The following CNGB1 variants were observed in gnomAD, a reference collection of about 807,000 sequenced individuals.
CNGB1 encodes the protein cyclic nucleotide gated channel subunit beta 1.
A neutral mutation model predicts 151.7 loss-of-function variants in CNGB1; 126 were observed. That is an observed-to-expected ratio of 0.83 (90% CI 0.72 to 0.96). The LOEUF is 0.96. Ranked by LOEUF, CNGB1 falls within the 40% of genes least tolerant of loss-of-function variation. The pLI, the probability that CNGB1 is intolerant of heterozygous loss-of-function variation, is 0.00. For synonymous variants in CNGB1, 623 were observed against 635.1 expected, an observed-to-expected ratio of 0.98 and a Z score of 0.29; for missense variants, 1,698 against 1,627.0, an observed-to-expected ratio of 1.04 and a Z score of -0.75.
intron 15 of CNGB1, 151 bp from the exon 16 acceptor site, chr16:57,939,743 C>G (rs1054442709): frequency 3.0e-5 from 31 of 1,045,356 alleles, no homozygotes; most frequent in Admixed American, 1.0e-4. Flanking sequence ...AGCCCACCTT[C>G]TGGGCATCCT....
chr16:57,911,547 C>T (rs1200051416), intron 25 of CNGB1, among the ~76,000 whole-genome samples: 1 of 152,214 alleles, frequency 6.6e-6, no homozygotes, highest in African/African-American at 2.4e-5. Flanking sequence ...CCTTGGCCTC[C>T]CAAAGTGCTG....
intron 25 of CNGB1, among the ~76,000 whole-genome samples, chr16:57,908,030 G>A (rs535162944): frequency 6.6e-6 from 1 of 152,250 alleles, no homozygotes; most frequent in Non-Finnish European, 1.5e-5. Flanking sequence ...CTGGAATTAC[G>A]AGCGTGTACC....
intron 31 of CNGB1, among the ~76,000 whole-genome samples, chr16:57,896,013 T>C (rs1251903048): frequency 6.6e-6 from 1 of 152,206 alleles, no homozygotes; most frequent in Non-Finnish European, 1.5e-5. Flanking sequence ...TCCACACAGC[T>C]GACTGCCAGC....
chr16:57,917,274 G>A lies in CNGB1; in HGVS notation c.2160C>T (p.Asp720=), dbSNP rs1370540791. 4 of 1,612,700 alleles carry A rather than the reference G, an allele frequency of 2.5e-6. No individual in the cohort carries two copies. Among genetic ancestry groups the A allele is most frequent in the Middle Eastern group, 1.7e-4 (1 of 6,020 alleles). ...QTRLQFVRGG[D]IITDKKDMRN... ...CCACCTGCCTGTGACTCACAATGAT[G>A]TCCCCGCCTCTGACAAACTGCAGGC... Residue 720 remains aspartate, a synonymous_variant, in exon 21 of 33, where the codon GAC becomes GAT. Coordinates refer to ENST00000251102, the MANE Select transcript of CNGB1 (RefSeq NM_001297.5).
intron 25 of CNGB1, among the ~76,000 whole-genome samples, chr16:57,905,637 G>A (rs1289562333): frequency 6.6e-6 from 1 of 152,274 alleles, no homozygotes; most frequent in Non-Finnish European, 1.5e-5. Context: ...TCAGGAGCTA[G>A]GGCCTTCGGG....
intron 26 of CNGB1, 136 bp downstream of exon 26, chr16:57,904,598 G>T (rs1013172285): frequency 4.8e-5 from 59 of 1,230,932 alleles, no homozygotes; most frequent in Non-Finnish European, 6.8e-5. Context: ...AGTGCTCCAG[G>T]CTCCTGACTC....
rs776983213 is a variant in CNGB1 at position 57,888,006 on chromosome 16, C to A, written c.3311G>T (p.Gly1104Val). Residue 1104 changes from glycine to valine, a missense_variant, in exon 32 of 33, where the codon GGC becomes GTC. Coordinates refer to ENST00000251102, the MANE Select transcript of CNGB1 (RefSeq NM_001297.5). ...KSVLILPPRA[G>V]TPKLFNAALA... is the part of the protein sequence containing the mutation. ...GGCAGCGTTGAAGAGCTTTGGGGTG[C>A]CCGCCCGGGGTGGAAGGATCAGCAC... 3 of 1,614,168 alleles carry A rather than the reference C, an allele frequency of 1.9e-6. No individual in the cohort carries two copies. Among genetic ancestry groups the A allele is most frequent in the South Asian group, 2.2e-5 (2 of 91,084 alleles).
intron 29 of CNGB1, among the ~76,000 whole-genome samples, chr16:57,900,870 A>T (rs556668788): frequency 1.1e-4 from 17 of 151,830 alleles, no homozygotes; most frequent in Non-Finnish European, 1.8e-4. Context: ...AAAAAAAAAA[A>T]CCCACAGAAT....
intron 29 of CNGB1, among the ~76,000 whole-genome samples, chr16:57,898,864 T>C (rs2149356208): frequency 6.6e-6 from 1 of 152,308 alleles, no homozygotes; most frequent in Middle Eastern, 3.4e-3. Flanking sequence ...CCTCCCAAAT[T>C]CATATATTGA....
chr16:57,919,719 C>G (rs927991754), intron 19 of CNGB1, among the ~76,000 whole-genome samples: 2 of 152,150 alleles, frequency 1.3e-5, no homozygotes, highest in African/African-American at 4.8e-5. Flanking sequence ...ACTCTTTCAT[C>G]TCTAAAAACA....
chr16:57,918,412 G>A (rs548634262), intron 20 of CNGB1, among the ~76,000 whole-genome samples: 1 of 152,300 alleles, frequency 6.6e-6, no homozygotes, highest in African/African-American at 2.4e-5. Flanking sequence ...GAAAGGCAGG[G>A]AGCCCTCTGT....
At chr16:57,892,978 C>T (rs1960135431) in intron 31 of CNGB1, among the ~76,000 whole-genome samples, 1 of 152,182 alleles carries the variant, frequency 6.6e-6, no homozygotes, top group African/African-American at 2.4e-5. Context: ...ATTGCCGGTT[C>T]CCTGACTAGA....
intron 31 of CNGB1, among the ~76,000 whole-genome samples, chr16:57,892,991 G>T (rs1340098343): frequency 6.6e-6 from 1 of 152,172 alleles, no homozygotes; most frequent in African/African-American, 2.4e-5. Context: ...TGACTAGAAT[G>T]TGAGTTTTGT....
chr16:57,938,999 A>G (rs1213786997), intron 16 of CNGB1, among the ~76,000 whole-genome samples: 1 of 152,134 alleles, frequency 6.6e-6, no homozygotes, highest in Non-Finnish European at 1.5e-5. Flanking sequence ...TCACTCAGCT[A>G]TGTGATGTCT....
intron 25 of CNGB1, among the ~76,000 whole-genome samples, chr16:57,908,766 T>C (rs1029890775): frequency 6.6e-6 from 1 of 152,184 alleles, no homozygotes; most frequent in Non-Finnish European, 1.5e-5. Flanking sequence ...GCATCCCTCC[T>C]GCCCACACTG....
At chr16:57,960,953 G>C (rs563858885) in intron 7 of CNGB1, 38 bp from the exon 8 acceptor site, 84 of 1,601,984 alleles carry the variant, frequency 5.2e-5, no homozygotes, top group Non-Finnish European at 7.1e-5. Flanking sequence ...TGCCCTGAGG[G>C]AACCGGCCAG....
intron 2 of CNGB1, among the ~76,000 whole-genome samples, chr16:57,966,262 T>C (rs537286663): frequency 9.9e-5 from 15 of 152,276 alleles, no homozygotes; most frequent in African/African-American, 3.6e-4. Context: ...TCCACCTATG[T>C]CTCTTGGCAG....
Position 57,929,017 on chromosome 16 carries a change from G to A in CNGB1, c.1535+2699C>T, listed in dbSNP as rs193279423. On this transcript the variant is annotated intron_variant, in intron 17 of 32. Coordinates refer to ENST00000251102, the MANE Select transcript of CNGB1 (RefSeq NM_001297.5). ...ACAAAAGCAAAACATAGACAAGTGGGATTATCTCCATCTAAAAACTTCTGC... is the reference window on the plus strand; with the variant it reads ...ACAAAAGCAAAACATAGACAAGTGGAATTATCTCCATCTAAAAACTTCTGC... Among the ~76,000 whole-genome samples the A allele has an allele frequency of 7.9e-5, 12 of 152,236 alleles. No individual in the cohort carries two copies. The East Asian group carries it at 1.9e-3, about 24-fold the overall frequency.
intron 18 of CNGB1, among the ~76,000 whole-genome samples, chr16:57,922,585 C>G (rs185598003): frequency 7.2e-5 from 11 of 152,050 alleles, no homozygotes; most frequent in African/African-American, 2.4e-4. Context: ...TGTGCCACCA[C>G]GCCCGGCTAA....
Sources: gnomAD v4.1 joint callset for allele counts (sites outside exome capture counted in the v4.1 genomes callset) on GRCh38, gnomAD v4.1.1 for gene constraint, MANE v1.5 for transcripts, NCBI Gene and HGNC (gene_info 2026-07-23, HGNC 2026-07-21) for gene names.